Variants in MYH1 observed in about 807,000 individuals in gnomAD.
MYH1 encodes myosin heavy chain 1.
Under a neutral mutation model 225.6 loss-of-function variants are expected in MYH1, and 214 were observed. The observed-to-expected ratio is 0.95, with a 90% CI of 0.85 to 1.06. The LOEUF (loss-of-function observed/expected upper bound fraction) is 1.06, where lower values mean the gene tolerates loss of function less well. Among genes scored for constraint, MYH1 ranks in the 50% least tolerant of loss-of-function variants. The pLI is 0.00. For missense variants in MYH1, 2,098 were observed against 2,344.2 expected (o/e 0.89, Z 2.17); for synonymous variants, 774 against 842.3 (o/e 0.92, Z 1.40).
In MYH1 at chr17:10,495,390, C is replaced by T. The variant is rs999762867; in HGVS notation, c.5170-73G>A. The stretch of plus-strand genomic sequence containing the variant: ...TTAGGAAACCTCATGTTCTAATGAA[C>T]CATAAACTAATTAACTAAATGAATT... On this transcript the variant is annotated intron_variant, in intron 35 of 39. Coordinates refer to ENST00000226207, the MANE Select transcript of MYH1 (RefSeq NM_005963.4). 1.5e-5 allele frequency: 22 copies of T among 1,516,856 alleles called. No homozygotes were observed. In the East Asian group the frequency reaches 4.5e-4, roughly 31 times the overall value. The allele number at this position is 1,516,856 out of a possible 1,614,324, so 94.0% of individuals were successfully genotyped here. A position where few individuals can be genotyped will look rare whatever the true frequency, so the allele number is the denominator to read the frequency against.
rs376937545 is a variant in MYH1, at chr17:10,508,403, A to G, written c.1857T>C (p.Thr619=). The G allele has an allele frequency of 5.6e-6, 9 of 1,612,704 alleles. No individual in the cohort carries two copies. The highest frequency in any genetic ancestry group is 1.3e-5 in the African/African-American group (1 of 74,880). Residue 619 remains threonine (T), a synonymous_variant, in exon 16 of 40, where the codon ACT becomes ACC. Transcript: ENST00000226207. ...TTGCCCCAACAAAGAGGAGAGCCAG[A>G]GTCTTCATTGCAGACTTCTGGTACA... ...VGLYQKSAMK[T]LALLFVGATG...
At chr17:10,495,824 A>T in intron 35 of MYH1, 126 bp downstream of exon 35, 1 of 1,178,864 alleles carries the variant, frequency 8.5e-7, no homozygotes, top group South Asian at 1.7e-5. Context: ...TAATCAAAAA[A>T]ATAAAATATT....
intron 30 of MYH1, 128 bp downstream of exon 30, chr17:10,498,498 G>C (rs1864609867): frequency 7.8e-7 from 1 of 1,288,188 alleles, no homozygotes; most frequent in African/African-American, 1.5e-5. Context: ...CTCTTCTAAG[G>C]CATCTACCAA....
At chr17:10,515,531 TAAC>T (rs901350585) in intron 5 of MYH1, among the ~76,000 whole-genome samples, 1 of 152,212 alleles carries the variant, frequency 6.6e-6, no homozygotes, top group African/African-American at 2.4e-5. Flanking sequence ...AATTTATAAT[TAAC>T]AAGAAACTGA....
chr17:10,503,476 A>G (rs909016523), intron 22 of MYH1, among the ~76,000 whole-genome samples: 3 of 152,206 alleles, frequency 2.0e-5, no homozygotes, highest in Non-Finnish European at 4.4e-5. Flanking sequence ...TTGTTATAAC[A>G]TATATAATAT....
chr17:10,518,359 G>A (rs1250769171), intron 1 of MYH1, 89 bp from the exon 2 acceptor site: 1 of 152,204 alleles, frequency 6.6e-6, no homozygotes, highest in Non-Finnish European at 1.5e-5. Flanking sequence ...GGAAATGACT[G>A]GGAAGACTAC....
At chr17:10,517,421 C>T (rs992409920) in intron 2 of MYH1, among the ~76,000 whole-genome samples, 4 of 152,072 alleles carry the variant, frequency 2.6e-5, no homozygotes, top group Admixed American at 6.6e-5. Flanking sequence ...TATTATAAAA[C>T]GTTATTACCT....
Position 10,512,147 on chromosome 17 carries a change from AG to A in MYH1, c.1192del (p.Leu398CysfsTer185), listed in dbSNP as rs2073175993. The part of the protein sequence containing the change: ...AYLQNLNSAD[L>X]LKALCYPRVK... ...CCTAGGGTAGCAGAGGGCTTTGAGCAGATCTGCAGAGTTCAGATTTTGGAGA... is the reference window on the plus strand; with the variant it reads ...CCTAGGGTAGCAGAGGGCTTTGAGCAATCTGCAGAGTTCAGATTTTGGAGA... On this transcript the variant is annotated frameshift_variant, in exon 13 of 40. Transcript: ENST00000226207. LOFTEE classifies it high-confidence loss of function. 1 of 1,614,194 alleles carries A rather than the reference AG, an allele frequency of 6.2e-7. No individual in the cohort carries two copies. The highest frequency in any genetic ancestry group is 8.5e-7 in the Non-Finnish European group (1 of 1,180,022).
intron 5 of MYH1, 102 bp downstream of exon 5, chr17:10,515,824 G>A (rs1444815980): frequency 6.3e-7 from 1 of 1,578,508 alleles, no homozygotes; most frequent in East Asian, 2.2e-5. Flanking sequence ...GAACAACCAG[G>A]GGCGTGAATT....
intron 14 of MYH1, among the ~76,000 whole-genome samples, chr17:10,510,018 G>T (rs2073156000): frequency 6.6e-6 from 1 of 152,094 alleles, no homozygotes; most frequent in Non-Finnish European, 1.5e-5. Flanking sequence ...CACACACTGG[G>T]GCCTATTGGA....
rs769065198 is a variant in MYH1 at position 10,508,495 on chromosome 17, C to T, written c.1765G>A (p.Val589Met). Residue 589 changes from valine (V) to methionine (M), a missense_variant, in exon 16 of 40, where the codon GTG becomes ATG. Physicochemically the swap from Val to Met is conservative, Grantham distance 21 (BLOSUM62 1). Coordinates refer to ENST00000226207, the MANE Select transcript of MYH1 (RefSeq NM_005963.4). ...HFSLIHYAGT[V>M]DYNIAGWLDK... ...AGCCAGCCGGCAATGTTGTAGTCCA[C>T]GGTGCCAGCATAGTGAATCAAAGAG... The T allele has an allele frequency of 4.7e-5, 76 of 1,614,152 alleles. No homozygotes were observed. Among genetic ancestry groups the T allele is most frequent in the Admixed American group, 3.2e-4 (19 of 60,024 alleles).
rs534444601 is a variant in MYH1, at chr17:10,501,178, C to T, written c.3670G>A (p.Glu1224Lys). 1.2e-6 allele frequency: 2 copies of T among 1,614,094 alleles called. No individual in the cohort carries two copies. The highest frequency in any genetic ancestry group is 1.7e-5 in the Admixed American group (1 of 60,026). ...LQRVKQKLEKEKSEMKMEIDD... is the reference protein window; with the variant it reads ...LQRVKQKLEKKKSEMKMEIDD... Reference sequence around the variant, plus strand: ...ATCTCCATCTTCATCTCACTCTTCTCCTTCTCCAGCTTCTGCTTCACTCGC... The same window carrying T: ...ATCTCCATCTTCATCTCACTCTTCTTCTTCTCCAGCTTCTGCTTCACTCGC... The change falls in exon 27 of 40, where the codon GAG becomes AAG. Residue 1224 changes from glutamate (E) to lysine (K), a missense_variant. By Grantham distance (56) the Glu-to-Lys change is moderately conservative. Coordinates refer to ENST00000226207, the MANE Select transcript of MYH1 (RefSeq NM_005963.4).
intron 31 of MYH1, 71 bp from the exon 32 acceptor site, chr17:10,497,523 A>G: frequency 1.9e-6 from 3 of 1,541,408 alleles, no homozygotes; most frequent in Non-Finnish European, 2.6e-6. Flanking sequence ...CTATTCTAGC[A>G]CCTCTCAGAG....
intron 28 of MYH1, 31 bp from the exon 29 acceptor site, chr17:10,499,123 C>A (rs776171404): frequency 6.4e-7 from 1 of 1,559,646 alleles, no homozygotes; most frequent in South Asian, 1.1e-5. Flanking sequence ...AAAACTCAAC[C>A]TTACTTTGGA....
At position 10,508,623 on chromosome 17, in the gene MYH1, G is replaced by A. The variant is rs772912091; in HGVS notation, c.1637C>T (p.Ala546Val). 24 of 1,614,170 alleles carry A rather than the reference G, an allele frequency of 1.5e-5. No individual in the cohort carries two copies. The highest frequency in any genetic ancestry group is 2.2e-5 in the East Asian group (1 of 44,892). ...ILEEECMFPK[A>V]TDTSFKNKLY... ...CTTGTTCTTGAAGGAGGTGTCTGTC[G>A]CCTTGGGGAACATGCACTCCTCTTC... The change falls in exon 16 of 40, where the codon GCG becomes GTG. Residue 546 changes from alanine (A) to valine (V), a missense_variant. Ala to Val is a moderately conservative substitution (Grantham distance 64). Coordinates refer to ENST00000226207, the MANE Select transcript of MYH1 (RefSeq NM_005963.4).
Position 10,501,798 on chromosome 17 carries a change from A to G in MYH1, c.3225T>C (p.Asn1075=). The change falls in exon 25 of 40, where the codon AAT becomes AAC. Residue 1075 remains asparagine (N), a synonymous_variant. Transcript: ENST00000226207. The part of the protein sequence containing the change: ...LAQESTMDIE[N]DKQQLDEKLK... The stretch of plus-strand genomic sequence containing the variant: ...GCTTTTCATCAAGTTGTTGTTTGTC[A>G]TTTTCTATATCCATTGTGGATTCTT... The G allele has an allele frequency of 6.2e-7, 1 of 1,613,678 alleles. No individual in the cohort carries two copies. Among genetic ancestry groups the G allele is most frequent in the Non-Finnish European group, 8.5e-7 (1 of 1,179,760 alleles).
intron 9 of MYH1, 131 bp from the exon 10 acceptor site, chr17:10,513,096 C>T (rs1422859344): frequency 1.5e-6 from 1 of 654,054 alleles, no homozygotes; most frequent in Admixed American, 2.9e-5. Flanking sequence ...CTGTGAAGTA[C>T]CACATATTAT....
chr17:10,497,373 C>T lies in MYH1; in HGVS notation c.4445G>A (p.Ser1482Asn). Residue 1482 changes from serine (S) to asparagine (N), a missense_variant, in exon 32 of 40, where the codon AGC becomes AAC. Physicochemically the swap from Ser to Asn is conservative, Grantham distance 46 (BLOSUM62 1). Coordinates refer to ENST00000226207, the MANE Select transcript of MYH1 (RefSeq NM_005963.4). ...ATTCTTAATCTTAAATAGTTCTGTG[C>T]TGAGTGAGCGGGATTCCTTTTGAGA... Reference protein sequence around the residue: ...EASQKESRSLSTELFKIKNAY... With the variant: ...EASQKESRSLNTELFKIKNAY... The T allele has an allele frequency of 6.2e-7, 1 of 1,613,782 alleles. No individual in the cohort carries two copies. Among genetic ancestry groups the T allele is most frequent in the Non-Finnish European group, 8.5e-7 (1 of 1,179,974 alleles).
Position 10,497,205 on chromosome 17 carries a change from CAA to C in MYH1, c.4532-14_4532-13del, listed in dbSNP as rs772065910. 1 of 1,598,752 alleles carries C rather than the reference CAA, an allele frequency of 6.3e-7. No homozygotes were observed. Among genetic ancestry groups the C allele is most frequent in the Non-Finnish European group, 8.5e-7 (1 of 1,175,960 alleles). On this transcript the variant is annotated splice_polypyrimidine_tract_variant and intron_variant, in intron 32 of 39. Coordinates refer to ENST00000226207, the MANE Select transcript of MYH1 (RefSeq NM_005963.4). Reference sequence around the variant, plus strand: ...ATCAGAAATCTCCTCTGTTGGTGAACAAAAAATATAGAAATTTGTTTATAGTT... The same window carrying C: ...ATCAGAAATCTCCTCTGTTGGTGAACAAAATATAGAAATTTGTTTATAGTT...
Sources: allele counts gnomAD v4.1 joint callset (sites outside exome capture counted in the v4.1 genomes callset), GRCh38; gene constraint gnomAD v4.1.1; transcripts MANE v1.5; gene names NCBI Gene and HGNC (gene_info 2026-07-23, HGNC 2026-07-21).